XRCC5: variants seen among roughly 807,000 people sequenced by gnomAD.
XRCC5 encodes the protein X-ray repair cross complementing 5.
In XRCC5, 12 loss-of-function variants were observed where a neutral mutation model predicts 95.7. The ratio of observed to expected loss-of-function variants is 0.13; its 90% CI spans 0.08 to 0.20. XRCC5 has a LOEUF of 0.20. XRCC5 is among the 10% of genes least tolerant of loss of function. The pLI, the probability that XRCC5 is intolerant of heterozygous loss-of-function variation, is 1.00. For missense variants in XRCC5, 595 were observed against 873.9 expected (o/e 0.68, Z 4.02); for synonymous variants, 281 against 290.3 (o/e 0.97, Z 0.33).
chr2:216,152,177 C>T (rs1295820423), intron 14 of XRCC5, among the ~76,000 whole-genome samples: 1 of 152,152 alleles, frequency 6.6e-6, no homozygotes, highest in Non-Finnish European at 1.5e-5. Context: ...TGGCTCATGC[C>T]TGTAATCCCA....
At chr2:216,173,023 T>C (rs924076012) in intron 16 of XRCC5, among the ~76,000 whole-genome samples, 3 of 152,148 alleles carry the variant, frequency 2.0e-5, no homozygotes, top group Non-Finnish European at 2.9e-5. Context: ...TGTTTTTTAA[T>C]TTTATTTTTG....
chr2:216,156,903 G>T, intron 14 of XRCC5: 1 of 322,088 alleles, frequency 3.1e-6, no homozygotes, highest in South Asian at 2.7e-5. Flanking sequence ...TGGAAGAAGG[G>T]CTTTTGAATA....
chr2:216,156,200 TC>T (rs1688839314), intron 14 of XRCC5: 1 of 411,668 alleles, frequency 2.4e-6, no homozygotes, highest in South Asian at 2.1e-5. Flanking sequence ...TGTATATCCT[TC>T]CATATGAGTC....
At chr2:216,125,547 G>A (rs2106005975) in intron 6 of XRCC5, among the ~76,000 whole-genome samples, 1 of 152,236 alleles carries the variant, frequency 6.6e-6, no homozygotes, top group South Asian at 2.1e-4. Flanking sequence ...AGTTGGTAGT[G>A]AATCCTTTAT....
chr2:216,118,111 A>T (rs1261239418), intron 4 of XRCC5, among the ~76,000 whole-genome samples: 1 of 151,774 alleles, frequency 6.6e-6, no homozygotes. Context: ...TATGTCATTG[A>T]TATTAAGTGC....
At chr2:216,132,764 C>T (rs768876988) in intron 10 of XRCC5, among the ~76,000 whole-genome samples, 2 of 152,120 alleles carry the variant, frequency 1.3e-5, no homozygotes, top group African/African-American at 2.4e-5. Flanking sequence ...TGTCTTTTCT[C>T]TATTCCTCTC....
intron 16 of XRCC5, among the ~76,000 whole-genome samples, chr2:216,167,568 GTT>G (rs969533273): frequency 1.0e-5 from 1 of 100,126 alleles, no homozygotes; most frequent in South Asian, 4.0e-4. Flanking sequence ...GTGTGTGTGG[GTT>G]TGTGTGTGTG....
intron 14 of XRCC5, chr2:216,156,297 G>A (rs1688840876): frequency 5.2e-6 from 3 of 579,384 alleles, no homozygotes; most frequent in South Asian, 1.5e-5. Flanking sequence ...AGGTTCCAAA[G>A]GCAGGAAGCA....
intron 3 of XRCC5, 43 bp downstream of exon 3, chr2:216,116,885 A>T (rs752738035): frequency 1.9e-6 from 3 of 1,599,516 alleles, no homozygotes; most frequent in Non-Finnish European, 2.6e-6. Flanking sequence ...AATTTCCTTT[A>T]TTCTGGGAAT....
At chr2:216,176,264 G>A (rs568128152) in intron 16 of XRCC5, among the ~76,000 whole-genome samples, 106 of 152,092 alleles carry the variant, frequency 7.0e-4, no homozygotes, top group African/African-American at 2.4e-3. Context: ...GATGACAGGC[G>A]CCCGCCACCA....
chr2:216,161,825 C>A (rs1206702180), intron 15 of XRCC5, among the ~76,000 whole-genome samples, 154 bp from the exon 16 acceptor site: 1 of 152,142 alleles, frequency 6.6e-6, no homozygotes, highest in Non-Finnish European at 1.5e-5. Context: ...TTTCACAGAG[C>A]CCTAGAAATG....
chr2:216,150,182 T>C (rs1688716832), intron 14 of XRCC5, among the ~76,000 whole-genome samples: 1 of 152,170 alleles, frequency 6.6e-6, no homozygotes, highest in Non-Finnish European at 1.5e-5. Flanking sequence ...GGGTACATAT[T>C]TCTAGTGGAG....
At chr2:216,124,173 C>T (rs184655407) in intron 6 of XRCC5, among the ~76,000 whole-genome samples, 31 of 152,198 alleles carry the variant, frequency 2.0e-4, no homozygotes, top group Non-Finnish European at 3.8e-4. Flanking sequence ...ACTAGATTAT[C>T]TCCATATAGA....
At chr2:216,175,596 T>C (rs1334255893) in intron 16 of XRCC5, 4 of 393,800 alleles carry the variant, frequency 1.0e-5, no homozygotes, top group African/African-American at 2.1e-5. Context: ...TGCTATAGTT[T>C]TCAGAGTAAT....
intron 13 of XRCC5, 49 bp from the exon 14 acceptor site, chr2:216,148,034 G>A (rs1326923050): frequency 6.4e-7 from 1 of 1,555,530 alleles, no homozygotes. Flanking sequence ...ATATAAAGAA[G>A]CCATATATGT....
chr2:216,180,812 C>CT (rs112178335), intron 16 of XRCC5, among the ~76,000 whole-genome samples: 1,788 of 140,598 alleles, frequency 0.013, 34 homozygotes, highest in African/African-American at 0.039. Flanking sequence ...CCTTGAGTAT[C>CT]TTTTTTTTTT....
At chr2:216,174,939 G>A (rs191273010) in intron 16 of XRCC5, 7 of 333,078 alleles carry the variant, frequency 2.1e-5, no homozygotes, top group East Asian at 8.3e-5. Flanking sequence ...CGCCAGATCC[G>A]TAACCACCAC....
chr2:216,163,266 C>CT (rs1343474586), intron 16 of XRCC5, among the ~76,000 whole-genome samples: 1 of 151,898 alleles, frequency 6.6e-6, no homozygotes, highest in Non-Finnish European at 1.5e-5. Flanking sequence ...TCCCAAAGCT[C>CT]TGAGATTACA....
chr2:216,168,014 T>C lies in XRCC5; in HGVS notation c.1834+5966T>C, dbSNP rs567642203. The stretch of plus-strand genomic sequence containing the variant: ...TTGACTCATTTTAAATTATTAAACC[T>C]CAGAACCTGACAATCCAGGCTTATT... On this transcript the variant is annotated intron_variant, in intron 16 of 20. Transcript: ENST00000392132. Among the ~76,000 whole-genome samples, 20 of 152,312 alleles carry C rather than the reference T, an allele frequency of 1.3e-4. No homozygotes were observed. In the South Asian group the frequency reaches 4.1e-3, roughly 32 times the overall value.
Sources: gnomAD v4.1 joint callset for allele counts (sites outside exome capture counted in the v4.1 genomes callset) on GRCh38, gnomAD v4.1.1 for gene constraint, MANE v1.5 for transcripts, NCBI Gene and HGNC (gene_info 2026-07-23, HGNC 2026-07-21) for gene names.